SMG5: variants seen among roughly 807,000 people sequenced by gnomAD.
SMG5 encodes nonsense-mediated mRNA decay factor SMG5.
Under a neutral mutation model 122.9 loss-of-function variants are expected in SMG5, and 53 were observed. The ratio of observed to expected loss-of-function variants is 0.43; its 90% CI spans 0.35 to 0.54. SMG5 has a LOEUF of 0.54. Ranked by LOEUF, SMG5 falls within the 20% of genes least tolerant of loss-of-function variation. The pLI is 0.01. For missense variants in SMG5, 1,153 were observed against 1,285.6 expected, an observed-to-expected ratio of 0.90 and a Z score of 1.58; for synonymous variants, 477 against 490.2, an observed-to-expected ratio of 0.97 and a Z score of 0.35.
rs754352506 is a variant in SMG5, at chr1:156,251,495, G to A, written c.2754-18C>T. On this transcript the variant is annotated intron_variant, in intron 19 of 21. Coordinates refer to ENST00000361813, the MANE Select transcript of SMG5 (RefSeq NM_015327.3). ...GAATGTACCTGCAGAGGAGATGTGCGAGTGGAGGTCAGGAGCAGGAGACTG... is the reference window on the plus strand; with the variant it reads ...GAATGTACCTGCAGAGGAGATGTGCAAGTGGAGGTCAGGAGCAGGAGACTG... 4.3e-6 allele frequency: 7 copies of A among 1,613,336 alleles called. No homozygotes were observed. Among genetic ancestry groups the A allele is most frequent in the Non-Finnish European group, 5.9e-6 (7 of 1,179,792 alleles).
In SMG5 at chr1:156,251,016, G is replaced by A. The variant is rs942879952; in HGVS notation, c.2829-20C>T. ...AGAGTCCTGGGGATGGGGGGCAGAG[G>A]GGAAGATGGGCCAAGACCCAGCATT... On this transcript the variant is annotated intron_variant, in intron 20 of 21. Coordinates refer to ENST00000361813, the MANE Select transcript of SMG5 (RefSeq NM_015327.3). The A allele has an allele frequency of 3.1e-6, 5 of 1,610,648 alleles. No homozygotes were observed. Among genetic ancestry groups the A allele is most frequent in the African/African-American group, 2.7e-5 (2 of 74,862 alleles).
upstream of SMG5, among the ~76,000 whole-genome samples, chr1:156,287,704 C>T (rs146454802): frequency 9.4e-3 from 1,425 of 151,182 alleles, 22 homozygotes; most frequent in African/African-American, 0.033. Flanking sequence ...ACAATCTCCA[C>T]CTACTGGGTT....
rs776332767 is a variant in SMG5, at chr1:156,279,015, G to C, written c.94C>G (p.His32Asp). 4 of 1,614,118 alleles carry C rather than the reference G, an allele frequency of 2.5e-6. No individual in the cohort carries two copies. The highest frequency in any genetic ancestry group is 3.4e-6 in the Non-Finnish European group (4 of 1,179,980). The part of the protein sequence containing the change: ...RLYRAVVEAV[H>D]RLDLILCNKT... ...TTGCAAAGGATGAGGTCAAGTCGAT[G>C]CACAGCCTCCACCACAGCCCTGTAG... The change falls in exon 2 of 22, where the codon CAT becomes GAT. Residue 32 changes from histidine to aspartate, a missense_variant. Around this residue, in one of 5 missense-constraint regions of SMG5, gnomAD observed 213 missense variants for 197.5 expected, o/e 1.08. Transcript: ENST00000361813.
chr1:156,268,063 A>C, intron 9 of SMG5, 52 bp downstream of exon 9: 1 of 1,586,306 alleles, frequency 6.3e-7, no homozygotes, highest in African/African-American at 1.4e-5. Flanking sequence ...TCTGTAAAGC[A>C]TCATGGCTGG....
chr1:156,270,077 C>G (rs1477998238), intron 7 of SMG5, among the ~76,000 whole-genome samples: 1 of 152,134 alleles, frequency 6.6e-6, no homozygotes, highest in African/African-American at 2.4e-5. Context: ...GACCTTAACA[C>G]TCATGACATT....
At chr1:156,277,826 T>C (rs1287726062) in intron 3 of SMG5, 99 bp downstream of exon 3, 17 of 1,524,196 alleles carry the variant, frequency 1.1e-5, no homozygotes, top group Non-Finnish European at 1.3e-5. Context: ...ACTGCCATGT[T>C]TTCTTGGCTC....
chr1:156,285,649 C>T (rs1572606945), upstream of SMG5: 1 of 1,613,878 alleles, frequency 6.2e-7, no homozygotes, highest in Non-Finnish European at 8.5e-7. Context: ...AGCGGCAGCC[C>T]CAAGAAGACC....
rs1662161024 is a variant in SMG5, at chr1:156,266,605, T to C, written c.1191A>G (p.Ile397Met). The change falls in exon 11 of 22, where the codon ATA (isoleucine) becomes ATG (methionine). Residue 397 changes from isoleucine to methionine, a missense_variant. By Grantham distance (10) the Ile-to-Met change is conservative. This residue lies in a region of SMG5 where 631 missense variants were observed against 650.6 expected (regional missense o/e 0.97). Transcript: ENST00000361813. Reference sequence around the variant, plus strand: ...CCTCTTCCAGCTCAGCCTGCAGCCGTATGTTGACATGATTGACGAGGTGGG... The same window carrying C: ...CCTCTTCCAGCTCAGCCTGCAGCCGCATGTTGACATGATTGACGAGGTGGG... ...LFSHLVNHVN[I>M]RLQAELEEGE... 2 of 1,614,094 alleles carry C rather than the reference T, an allele frequency of 1.2e-6. No homozygotes were observed. The highest frequency in any genetic ancestry group is 2.2e-5 in the South Asian group (2 of 91,086).
intron 12 of SMG5, 98 bp from the exon 13 acceptor site, chr1:156,263,668 C>G: frequency 7.5e-7 from 1 of 1,341,864 alleles, no homozygotes; most frequent in Non-Finnish European, 1.0e-6. Flanking sequence ...TTCCACCTGG[C>G]CTGGGCCCTT....
At chr1:156,254,623 T>C (rs1446384872) in intron 16 of SMG5, among the ~76,000 whole-genome samples, 1 of 152,104 alleles carries the variant, frequency 6.6e-6, no homozygotes, top group Non-Finnish European at 1.5e-5. Flanking sequence ...TTGGTATTTT[T>C]TGTAGAGACT....
intron 18 of SMG5, 104 bp from the exon 19 acceptor site, chr1:156,252,608 G>A: frequency 1.6e-6 from 2 of 1,225,138 alleles, no homozygotes; most frequent in East Asian, 2.5e-5. Flanking sequence ...TCTTCAGGCA[G>A]AGAAGGGACC....
At chr1:156,268,575 A>G (rs1262006538) in intron 7 of SMG5, among the ~76,000 whole-genome samples, 160 bp from the exon 8 acceptor site, 1 of 152,170 alleles carries the variant, frequency 6.6e-6, no homozygotes, top group Non-Finnish European at 1.5e-5. Flanking sequence ...ATCTTTCCCG[A>G]TAACACACAC....
In SMG5 at chr1:156,251,279, A is replaced by G; in HGVS notation, c.2828+124T>C. 4 of 1,142,276 alleles carry G rather than the reference A, an allele frequency of 3.5e-6. No individual in the cohort carries two copies. In the South Asian group the frequency reaches 3.8e-5, roughly 11 times the overall value. 70.8% of individuals were successfully genotyped at this position (1,142,276 alleles called of 1,614,324 possible). ...CTCCTCGCAAGGTGAGGCCTGCAGGAGGGCCCTGGCAGGCTACGTGTGGAG... is the reference window on the plus strand; with the variant it reads ...CTCCTCGCAAGGTGAGGCCTGCAGGGGGGCCCTGGCAGGCTACGTGTGGAG... On this transcript the variant is annotated intron_variant, in intron 20 of 21. Coordinates refer to ENST00000361813, the MANE Select transcript of SMG5 (RefSeq NM_015327.3).
At chr1:156,281,289 C>T (rs1392691713) in intron 1 of SMG5, among the ~76,000 whole-genome samples, 1 of 152,228 alleles carries the variant, frequency 6.6e-6, no homozygotes, top group Admixed American at 6.5e-5. Flanking sequence ...TAAGAAAGAA[C>T]TACATTTGAT....
At chr1:156,290,805 G>C in the SMG5 span, 1 of 150,796 alleles carries the variant, frequency 6.6e-6, no homozygotes, top group Non-Finnish European at 1.5e-5. Flanking sequence ...CTCCAGCCTG[G>C]GTGACAGAGA....
chr1:156,260,301 G>T, intron 15 of SMG5, 150 bp downstream of exon 15: 1 of 958,872 alleles, frequency 1.0e-6, no homozygotes, highest in Non-Finnish European at 1.5e-6. Context: ...CTCACTGAAT[G>T]AAGAAGGAAG....
the SMG5 span, among the ~76,000 whole-genome samples, chr1:156,288,539 T>A: frequency 3.9e-5 from 6 of 152,030 alleles, no homozygotes; most frequent in African/African-American, 1.5e-4. Context: ...GGTTTCAACA[T>A]GTTGGCCAGG....
intron 9 of SMG5, among the ~76,000 whole-genome samples, 197 bp downstream of exon 9, chr1:156,267,918 T>C (rs143884613): frequency 0.011 from 1,685 of 152,220 alleles, 19 homozygotes; most frequent in Admixed American, 0.02. Flanking sequence ...TTCTGTGCCA[T>C]AGGGAGAGCT....
intron 16 of SMG5, among the ~76,000 whole-genome samples, chr1:156,255,033 G>A (rs1308766127): frequency 6.6e-6 from 1 of 151,880 alleles, no homozygotes; most frequent in Non-Finnish European, 1.5e-5. Flanking sequence ...AAAGGTTGCA[G>A]TGAGCCGAGA....
Sources: allele counts gnomAD v4.1 joint callset (sites outside exome capture counted in the v4.1 genomes callset), GRCh38; gene constraint gnomAD v4.1.1; regional missense constraint gnomAD v4.1.1; transcripts MANE v1.5; gene names NCBI Gene and HGNC (gene_info 2026-07-23, HGNC 2026-07-21).